PDE12: variants seen among roughly 807,000 people sequenced by gnomAD.
The protein encoded by PDE12 is phosphodiesterase 12.
PDE12 carries 26 observed loss-of-function variants against 45.4 expected under a neutral mutation model. The ratio of observed to expected loss-of-function variants is 0.57; its 90% CI spans 0.42 to 0.79. PDE12 has a LOEUF of 0.79. Ranked by LOEUF, PDE12 falls within the 30% of genes least tolerant of loss-of-function variation. The pLI, the probability that PDE12 is intolerant of heterozygous loss-of-function variation, is 0.00. For missense variants in PDE12, 668 were observed against 790.0 expected, an observed-to-expected ratio of 0.85 and a Z score of 1.85; for synonymous variants, 283 against 323.9, an observed-to-expected ratio of 0.87 and a Z score of 1.36.
At chr3:57,619,658 T>C in the PDE12 span, 1 of 150,270 alleles carries the variant, frequency 6.7e-6, no homozygotes, top group South Asian at 2.1e-4. Flanking sequence ...ATGGAGACCA[T>C]CCTAGCAAAC....
Position 57,556,446 on chromosome 3 carries a change from C to T in PDE12, c.67C>T (p.Arg23Trp), listed in dbSNP as rs2241988. 0.44 allele frequency: 710,151 copies of T among 1,611,968 alleles called. 160,698 individuals carry two copies. The highest frequency in any genetic ancestry group is 0.59 in the Middle Eastern group (3,551 of 6,040). ...CCGGACGGCGGTGGAGAAGCTGAGCCGGGCTGAAGCGGGGAGCCAGACAGC... is the reference window on the plus strand; with the variant it reads ...CCGGACGGCGGTGGAGAAGCTGAGCTGGGCTGAAGCGGGGAGCCAGACAGC... ...VIRTAVEKLS[R>W]AEAGSQTAAG... is the part of the protein sequence containing the mutation. Residue 23 changes from arginine (R) to tryptophan (W), a missense_variant, in exon 1 of 3, where the codon CGG (arginine) becomes TGG (tryptophan). Physicochemically the swap from Arg to Trp is moderately radical, Grantham distance 101 (BLOSUM62 -3). Coordinates refer to ENST00000311180, the MANE Select transcript of PDE12 (RefSeq NM_177966.7). This position sits in a 1 kb window ranked among gnomAD's most constrained non-coding sequence, Gnocchi z 5.0.
downstream of PDE12, among the ~76,000 whole-genome samples, chr3:57,568,842 T>C (rs2069809702): frequency 8.6e-6 from 1 of 116,772 alleles, no homozygotes. Flanking sequence ...CAAAAGACAA[T>C]GGGAAATGTT....
At chr3:57,600,358 TTTC>T in the PDE12 span, among the ~76,000 whole-genome samples, 1 of 135,532 alleles carries the variant, frequency 7.4e-6, no homozygotes, top group Non-Finnish European at 1.7e-5. Flanking sequence ...TTTTTCTTTC[TTTC>T]CTTTCTTTTC....
the PDE12 span, among the ~76,000 whole-genome samples, chr3:57,582,616 G>T: frequency 1.3e-5 from 2 of 152,074 alleles, no homozygotes; most frequent in African/African-American, 4.8e-5. Flanking sequence ...GGTTGTCCCA[G>T]CCACTCACCT....
At chr3:57,570,220 T>TTTTTTTTTTTTTTTTGTTTG, downstream of PDE12, among the ~76,000 whole-genome samples, 1 of 9,876 alleles carries the variant, frequency 1.0e-4, no homozygotes, top group African/African-American at 1.3e-3. Context: ...TAATCCAGTG[T>TTTTTTTTTTTTTTTTGTTTG]TTTTTTTTTT....
the PDE12 span, among the ~76,000 whole-genome samples, chr3:57,594,789 G>A: frequency 6.6e-6 from 1 of 152,140 alleles, no homozygotes; most frequent in Non-Finnish European, 1.5e-5. Flanking sequence ...CAGTTGAATG[G>A]GGCAGACACT....
At chr3:57,610,316 A>T in the PDE12 span, among the ~76,000 whole-genome samples, 3 of 152,186 alleles carry the variant, frequency 2.0e-5, no homozygotes, top group African/African-American at 7.2e-5. Flanking sequence ...TCCCTTTGAA[A>T]ACTGGCACAA....
the PDE12 span, among the ~76,000 whole-genome samples, chr3:57,637,060 T>C: frequency 6.6e-6 from 1 of 150,902 alleles, no homozygotes; most frequent in Non-Finnish European, 1.5e-5. Flanking sequence ...AGGACAATAA[T>C]AGCCACCATT....
chr3:57,601,740 C>CT, the PDE12 span, among the ~76,000 whole-genome samples: 2 of 136,098 alleles, frequency 1.5e-5, no homozygotes, highest in South Asian at 2.5e-4. Context: ...TTTTTCTTTC[C>CT]TTCTTTTTTT....
At chr3:57,617,409 A>T in the PDE12 span, among the ~76,000 whole-genome samples, 1 of 152,116 alleles carries the variant, frequency 6.6e-6, no homozygotes, top group Admixed American at 6.5e-5. Context: ...GTCTAATAAA[A>T]AGTAGTAAAA....
chr3:57,560,833 T>C lies in PDE12; in HGVS notation c.*829T>C, dbSNP rs2069721608. 4 of 985,346 alleles carry C rather than the reference T, an allele frequency of 4.1e-6. No individual in the cohort carries two copies. Among genetic ancestry groups the C allele is most frequent in the Non-Finnish European group, 4.8e-6 (4 of 829,472 alleles). The allele number at this position is 985,346 out of a possible 1,614,324, so 61.0% of individuals were successfully genotyped here. ...GACCTAAGGTGAGAGACTTGACACA[T>C]GGAAGGAGTAACATTAGGGTCTACC... On this transcript the variant is annotated 3_prime_UTR_variant, in exon 3 of 3. Transcript: ENST00000311180.
At chr3:57,638,077 T>C in the PDE12 span, among the ~76,000 whole-genome samples, 1 of 151,932 alleles carries the variant, frequency 6.6e-6, no homozygotes, top group East Asian at 1.9e-4. Context: ...AAGGTTGCAG[T>C]GAGCCAAGAT....
rs1313472035 is a variant in PDE12 at position 57,559,885 on chromosome 3, GAGGTTGAAC to G, written c.1716_1724del (p.Glu573_Val575del). 6.2e-7 allele frequency: 1 copy of G among 1,614,004 alleles called. No individual in the cohort carries two copies. The highest frequency in any genetic ancestry group is 8.5e-7 in the Non-Finnish European group (1 of 1,180,040). ...CATTTTCATTGACTTAAATGCTTTA[GAGGTTGAAC>G]AGGTGATTCCATTACCTAGTCATGA... On this transcript the variant is annotated inframe_deletion, in exon 3 of 3. Transcript: ENST00000311180.
chr3:57,581,073 AT>A, the PDE12 span, among the ~76,000 whole-genome samples: 2 of 152,246 alleles, frequency 1.3e-5, no homozygotes, highest in African/African-American at 4.8e-5. Flanking sequence ...CTGCTATGAA[AT>A]TATTTGAAAA....
the PDE12 span, among the ~76,000 whole-genome samples, chr3:57,596,294 G>A: frequency 6.6e-6 from 1 of 152,098 alleles, no homozygotes. Flanking sequence ...AATTTATCAG[G>A]TATTTTTTAA....
the PDE12 span, among the ~76,000 whole-genome samples, chr3:57,593,117 T>C: frequency 0.17 from 26,311 of 152,078 alleles, 2,782 homozygotes; most frequent in East Asian, 0.48. Flanking sequence ...GCAGGAGGGA[T>C]TGCTTGAATC....
At chr3:57,615,685 TC>T in the PDE12 span, among the ~76,000 whole-genome samples, 1 of 152,054 alleles carries the variant, frequency 6.6e-6, no homozygotes, top group Non-Finnish European at 1.5e-5. Flanking sequence ...GCTCCTGTAA[TC>T]CTGGCAACCC....
At chr3:57,627,210 C>T in the PDE12 span, 1 of 152,206 alleles carries the variant, frequency 6.6e-6, no homozygotes, top group African/African-American at 2.4e-5. Context: ...GGGGTGTAAT[C>T]TCAGCTCACT....
At chr3:57,597,583 G>C in the PDE12 span, 1 of 159,738 alleles carries the variant, frequency 6.3e-6, no homozygotes, top group East Asian at 1.9e-4. Context: ...CCCAGGAGCC[G>C]GGAGAGGCCG....
Sources: gnomAD v4.1 joint callset for allele counts (sites outside exome capture counted in the v4.1 genomes callset) on GRCh38, gnomAD v4.1.1 for gene constraint, Gnocchi (gnomAD v3.1) non-coding constraint, MANE v1.5 for transcripts, NCBI Gene and HGNC (gene_info 2026-07-23, HGNC 2026-07-21) for gene names.